The following MCC variants were observed in gnomAD, a reference collection of about 807,000 sequenced individuals.
MCC encodes MCC regulator of Wnt signaling pathway.
In MCC, 90 loss-of-function variants were observed where a neutral mutation model predicts 116.2. That is an observed-to-expected ratio of 0.77 (90% CI 0.65 to 0.92). MCC has a LOEUF of 0.92. Among genes scored for constraint, MCC ranks in the 40% least tolerant of loss-of-function variants. The pLI is 0.00. For missense variants in MCC, 1,516 were observed against 1,312.2 expected (o/e 1.16, Z -2.40); for synonymous variants, 578 against 510.5 (o/e 1.13, Z -1.78).
chr5:113,140,918 T>A (rs1404511122), intron 5 of MCC, among the ~76,000 whole-genome samples: 2 of 152,190 alleles, frequency 1.3e-5, no homozygotes, highest in African/African-American at 4.8e-5. Context: ...TAATTTTAGG[T>A]GTCAACTTGA....
chr5:113,093,707 C>T (rs534071052), intron 8 of MCC, among the ~76,000 whole-genome samples: 1 of 151,854 alleles, frequency 6.6e-6, no homozygotes, highest in East Asian at 1.9e-4. Context: ...TCTCTGAGTA[C>T]AATTGTGGGA....
At chr5:113,161,644 G>A (rs1171973144) in intron 3 of MCC, among the ~76,000 whole-genome samples, 2 of 142,684 alleles carry the variant, frequency 1.4e-5, no homozygotes, top group African/African-American at 3.0e-5. Context: ...GTGTGTGTGT[G>A]TGTGTGTGTG....
intron 2 of MCC, among the ~76,000 whole-genome samples, chr5:113,349,046 G>T (rs1255562361): frequency 6.6e-6 from 1 of 151,916 alleles, no homozygotes; most frequent in Non-Finnish European, 1.5e-5. Context: ...AAAATCATGA[G>T]CGTGAAGCCA....
intron 2 of MCC, among the ~76,000 whole-genome samples, chr5:113,345,805 C>A (rs1224546666): frequency 6.6e-6 from 1 of 152,228 alleles, no homozygotes; most frequent in Admixed American, 6.5e-5. Flanking sequence ...AAATACCTAA[C>A]TCTTCAATGC....
intron 11 of MCC, among the ~76,000 whole-genome samples, chr5:113,073,959 A>G (rs1264754022): frequency 6.6e-6 from 1 of 152,258 alleles, no homozygotes; most frequent in Non-Finnish European, 1.5e-5. Context: ...GGGGCAGGGC[A>G]TAGCTGAACA....
intron 1 of MCC, among the ~76,000 whole-genome samples, chr5:113,414,910 G>T (rs1770099973): frequency 6.6e-6 from 1 of 152,142 alleles, no homozygotes; most frequent in East Asian, 1.9e-4. Flanking sequence ...GGTACCAGTT[G>T]TTCCTTTCTT....
intron 13 of MCC, among the ~76,000 whole-genome samples, chr5:113,066,497 C>A (rs1288341539): frequency 2.0e-5 from 3 of 152,014 alleles, no homozygotes; most frequent in Admixed American, 6.5e-5. Context: ...TTAAAAAAAA[C>A]CAGAGGGAGG....
Position 113,156,437 on chromosome 5 carries a change from C to T in MCC, c.628-5015G>A, listed in dbSNP as rs148335719. Among the ~76,000 whole-genome samples, 261 of 152,310 alleles carry T rather than the reference C, an allele frequency of 1.7e-3. 1 individual carries two copies. The highest frequency in any genetic ancestry group is 5.8e-3 in the African/African-American group (243 of 41,552). On this transcript the variant is annotated intron_variant, in intron 3 of 18. Coordinates refer to ENST00000408903, the MANE Select transcript of MCC (RefSeq NM_001085377.2). Reference sequence around the variant, plus strand: ...GGGTTTGTTTGAAGTCAACAACCTTCTCAGGCAGACCAAGCCCCATCAGAG... The same window carrying T: ...GGGTTTGTTTGAAGTCAACAACCTTTTCAGGCAGACCAAGCCCCATCAGAG...
intron 1 of MCC, among the ~76,000 whole-genome samples, chr5:113,402,285 C>T (rs1258084232): frequency 3.2e-5 from 4 of 124,694 alleles, no homozygotes; most frequent in East Asian, 4.1e-4. Context: ...CAGAGCCAGA[C>T]TCCGTCTCAA....
intron 3 of MCC, among the ~76,000 whole-genome samples, chr5:113,165,213 G>A (rs760729438): frequency 6.6e-6 from 1 of 152,202 alleles, no homozygotes; most frequent in Non-Finnish European, 1.5e-5. Flanking sequence ...GCTTGACAGC[G>A]CTCCAGCTCT....
At chr5:113,297,311 T>C (rs535726543) in intron 3 of MCC, among the ~76,000 whole-genome samples, 1 of 152,162 alleles carries the variant, frequency 6.6e-6, no homozygotes, top group East Asian at 1.9e-4. Flanking sequence ...AGGTCCAGCC[T>C]AGCCAACATG....
intron 1 of MCC, among the ~76,000 whole-genome samples, chr5:113,419,917 T>C (rs1035691375): frequency 2.7e-5 from 4 of 149,634 alleles, no homozygotes; most frequent in African/African-American, 9.9e-5. Context: ...ATATACCTAA[T>C]GCTAAATGAC....
rs182914596 is a variant in MCC, at chr5:113,178,436, A to C, written c.628-27014T>G. On this transcript the variant is annotated intron_variant, in intron 3 of 18. Transcript: ENST00000408903. ...AACAAGAGAAAGAGCAAACAAGGGTAGATGGGGGATTGCCAGGGCAGAAGA... is the reference window on the plus strand; with the variant it reads ...AACAAGAGAAAGAGCAAACAAGGGTCGATGGGGGATTGCCAGGGCAGAAGA... Among the ~76,000 whole-genome samples, 37 of 152,338 alleles carry C rather than the reference A, an allele frequency of 2.4e-4. No homozygotes were observed. In the East Asian group the frequency reaches 6.8e-3, roughly 28 times the overall value.
At chr5:113,439,112 T>C (rs1318985621) in intron 1 of MCC, among the ~76,000 whole-genome samples, 1 of 152,166 alleles carries the variant, frequency 6.6e-6, no homozygotes, top group East Asian at 1.9e-4. Flanking sequence ...GAAAACCAGG[T>C]TGAAAATTCC....
intron 2 of MCC, among the ~76,000 whole-genome samples, chr5:113,357,971 T>A (rs10038521): frequency 0.19 from 28,873 of 152,130 alleles, 3,022 homozygotes; most frequent in Non-Finnish European, 0.24. Context: ...TGCCCTAAAA[T>A]TTTTTAAAAA....
chr5:113,074,380 C>T (rs1226375624), intron 11 of MCC, among the ~76,000 whole-genome samples: 1 of 152,230 alleles, frequency 6.6e-6, no homozygotes, highest in Non-Finnish European at 1.5e-5. Flanking sequence ...CCCATCTGTA[C>T]ATCACCATCA....
At chr5:113,098,928 T>C (rs957993973) in intron 8 of MCC, among the ~76,000 whole-genome samples, 1 of 152,040 alleles carries the variant, frequency 6.6e-6, no homozygotes, top group Non-Finnish European at 1.5e-5. Flanking sequence ...AGGGTAAAAA[T>C]AAAATGGTAC....
intron 5 of MCC, among the ~76,000 whole-genome samples, chr5:113,142,637 G>A (rs953881332): frequency 6.8e-6 from 1 of 147,112 alleles, no homozygotes; most frequent in Non-Finnish European, 1.6e-5. Flanking sequence ...CCAGTAAAAT[G>A]ATGGGTCAAA....
chr5:113,107,993 C>G (rs1028295821), intron 6 of MCC, among the ~76,000 whole-genome samples: 1 of 152,034 alleles, frequency 6.6e-6, no homozygotes, highest in African/African-American at 2.4e-5. Flanking sequence ...TGTGAGAGAC[C>G]CCCAGAAGTA....
Sources: gnomAD v4.1 joint callset for allele counts (sites outside exome capture counted in the v4.1 genomes callset) on GRCh38, gnomAD v4.1.1 for gene constraint, MANE v1.5 for transcripts, NCBI Gene and HGNC (gene_info 2026-07-23, HGNC 2026-07-21) for gene names.